Variants in DUSP19 observed in about 807,000 individuals in gnomAD.
DUSP19 encodes the protein dual specificity phosphatase 19, also known as dual specificity protein phosphatase 19.
DUSP19 carries 14 observed loss-of-function variants against 16.6 expected under a neutral mutation model. The observed-to-expected ratio is 0.84, with a 90% CI of 0.56 to 1.32. The LOEUF is 1.32. Ranked by LOEUF, DUSP19 falls within the 40% of genes most tolerant of loss-of-function variation. DUSP19 has a pLI of 0.00. For synonymous variants in DUSP19, 81 were observed against 90.5 expected (o/e 0.90, Z 0.59); for missense variants, 258 against 255.9 (o/e 1.01, Z -0.06).
At chr2:183,092,904 A>T (rs1000831352) in intron 3 of DUSP19, among the ~76,000 whole-genome samples, 18 of 151,810 alleles carry the variant, frequency 1.2e-4, no homozygotes, top group Admixed American at 3.9e-4. Flanking sequence ...GGGTTTCACC[A>T]TGTTGGCCAG....
chr2:183,090,373 C>T (rs773630264), intron 3 of DUSP19, among the ~76,000 whole-genome samples: 4 of 152,126 alleles, frequency 2.6e-5, no homozygotes, highest in Non-Finnish European at 4.4e-5. Flanking sequence ...GACAGAAATA[C>T]ACCTGAGAAG....
At chr2:183,089,087 T>C (rs769242193) in intron 3 of DUSP19, among the ~76,000 whole-genome samples, 24 of 152,216 alleles carry the variant, frequency 1.6e-4, no homozygotes, top group Non-Finnish European at 1.6e-4. Flanking sequence ...GAGTGGATTT[T>C]AGCTTGGGTT....
chr2:183,095,098 T>TA (rs1699781036), intron 3 of DUSP19, among the ~76,000 whole-genome samples: 1 of 152,110 alleles, frequency 6.6e-6, no homozygotes, highest in Non-Finnish European at 1.5e-5. Context: ...ACTTTACTGA[T>TA]ACATTTGGCT....
chr2:183,083,257 C>A (rs561302120), intron 1 of DUSP19: 33 of 389,516 alleles, frequency 8.5e-5, no homozygotes, highest in Non-Finnish European at 1.3e-4. Context: ...ACAAACAATA[C>A]TATGGTGAAC....
At chr2:183,084,873 G>C (rs1372465321) in intron 2 of DUSP19, among the ~76,000 whole-genome samples, 3 of 152,134 alleles carry the variant, frequency 2.0e-5, no homozygotes, top group Non-Finnish European at 4.4e-5. Context: ...TAGATGTGAG[G>C]GGTTTTTTAG....
chr2:183,086,636 G>T (rs1019097472), intron 2 of DUSP19, among the ~76,000 whole-genome samples: 2 of 114,268 alleles, frequency 1.8e-5, no homozygotes, highest in African/African-American at 7.1e-5. Context: ...AGTGAGACCC[G>T]CCCCCCTCTT....
At position 183,079,009 on chromosome 2, in the gene DUSP19, C is replaced by T; in HGVS notation, c.76C>T (p.Leu26=). ...LRKQCTRVTT[L]TGKKIIETWK... ...GAAGCAATGCACCAGGGTGACAACG[C>T]TAACTGGAAAGAAAATTATAGAAAC... Residue 26 remains leucine (L), a synonymous_variant, in exon 1 of 4, where the codon CTA becomes TTA. Transcript: ENST00000354221. The T allele has an allele frequency of 6.2e-7, 1 of 1,614,118 alleles. No individual in the cohort carries two copies. The highest frequency in any genetic ancestry group is 8.5e-7 in the Non-Finnish European group (1 of 1,180,024).
At chr2:183,088,972 T>A (rs1053863821) in intron 3 of DUSP19, among the ~76,000 whole-genome samples, 2 of 152,234 alleles carry the variant, frequency 1.3e-5, no homozygotes, top group Non-Finnish European at 2.9e-5. Context: ...TTAGAGAGGT[T>A]AATCATATCT....
chr2:183,083,627 T>G (rs1435707633), intron 2 of DUSP19, 73 bp downstream of exon 2: 1 of 1,327,352 alleles, frequency 7.5e-7, no homozygotes, highest in East Asian at 2.4e-5. Context: ...AAAACTGTAT[T>G]GGTCCATCTT....
chr2:183,090,005 G>A (rs2138482), intron 3 of DUSP19, among the ~76,000 whole-genome samples: 81,750 of 151,998 alleles, frequency 0.54, 24,803 homozygotes, highest in East Asian at 0.9. Flanking sequence ...AATGCCTGAC[G>A]TCAAGTGATC....
chr2:183,087,284 C>A, intron 3 of DUSP19, 92 bp downstream of exon 3: 1 of 1,233,320 alleles, frequency 8.1e-7, no homozygotes, highest in South Asian at 1.6e-5. Context: ...TAATGAATCT[C>A]TAAAAAACAA....
At chr2:183,084,408 C>T (rs574405331) in intron 2 of DUSP19, among the ~76,000 whole-genome samples, 45 of 146,148 alleles carry the variant, frequency 3.1e-4, no homozygotes, top group Non-Finnish European at 5.7e-4. Flanking sequence ...GACTGGGCGA[C>T]AAAGCAAGAC....
In DUSP19 at chr2:183,099,382, A is replaced by C. The variant is rs1158077029; in HGVS notation, c.*3724A>C. The C allele has an allele frequency of 1.3e-5, 2 of 152,180 alleles. No homozygotes were observed. The allele number at this position is 152,180 out of a possible 1,614,324, so 9.4% of individuals were successfully genotyped here. A position where few individuals can be genotyped will look rare whatever the true frequency, so the allele number is the denominator to read the frequency against. On this transcript the variant is annotated 3_prime_UTR_variant, in exon 4 of 4. Coordinates refer to ENST00000354221, the MANE Select transcript of DUSP19 (RefSeq NM_080876.4). Reference sequence around the variant, plus strand: ...TGAAGGATCCTGAACATATTTAGTTACCCTGTAGTTATTTAGGAATTTAAA... The same window carrying C: ...TGAAGGATCCTGAACATATTTAGTTCCCCTGTAGTTATTTAGGAATTTAAA...
chr2:183,093,192 CAT>C (rs907374388), intron 3 of DUSP19, among the ~76,000 whole-genome samples: 4 of 152,148 alleles, frequency 2.6e-5, no homozygotes, highest in Non-Finnish European at 4.4e-5. Context: ...ATGGAAATAA[CAT>C]AGCATAATTA....
chr2:183,088,911 C>T (rs1699697829), intron 3 of DUSP19, among the ~76,000 whole-genome samples: 1 of 152,110 alleles, frequency 6.6e-6, no homozygotes, highest in African/African-American at 2.4e-5. Flanking sequence ...GTATAGATAT[C>T]ATCCATATTC....
chr2:183,092,780 T>C (rs1184087006), intron 3 of DUSP19, among the ~76,000 whole-genome samples: 1 of 147,230 alleles, frequency 6.8e-6, no homozygotes, highest in Non-Finnish European at 1.5e-5. Flanking sequence ...CTCAGCTCAC[T>C]GCAACTTCCG....
chr2:183,091,029 T>C (rs755670030), intron 3 of DUSP19, among the ~76,000 whole-genome samples: 12 of 152,230 alleles, frequency 7.9e-5, no homozygotes, highest in Non-Finnish European at 1.3e-4. Flanking sequence ...GTCCTGTCTC[T>C]GGCCCTAGTC....
chr2:183,089,429 C>T (rs1239318162), intron 3 of DUSP19, among the ~76,000 whole-genome samples: 2 of 152,168 alleles, frequency 1.3e-5, no homozygotes, highest in African/African-American at 2.4e-5. Context: ...GGGATATAAC[C>T]AACCCCACAA....
Position 183,097,583 on chromosome 2 carries a change from T to G in DUSP19, c.*1925T>G, listed in dbSNP as rs768319951. On this transcript the variant is annotated 3_prime_UTR_variant, in exon 4 of 4. Transcript: ENST00000354221. ...CAAGATGCCATCACTTGTGATGTTA[T>G]GAACTGTTATAAACTCTTTGCTTCT... 2 of 152,194 alleles carry G rather than the reference T, an allele frequency of 1.3e-5. No homozygotes were observed. The highest frequency in any genetic ancestry group is 2.9e-5 in the Non-Finnish European group (2 of 68,034). The allele number at this position is 152,194 out of a possible 1,614,324, so 9.4% of individuals were successfully genotyped here.
Sources: gnomAD v4.1 joint callset for allele counts (sites outside exome capture counted in the v4.1 genomes callset) on GRCh38, gnomAD v4.1.1 for gene constraint, MANE v1.5 for transcripts, NCBI Gene and HGNC (gene_info 2026-07-23, HGNC 2026-07-21) for gene names.